Variants in KLHL29 observed in about 807,000 individuals in gnomAD.
The protein encoded by KLHL29 is kelch-like protein 29.
A neutral mutation model predicts 80.4 loss-of-function variants in KLHL29; 21 were observed. The ratio of observed to expected loss-of-function variants is 0.26; its 90% CI spans 0.19 to 0.38. The LOEUF (loss-of-function observed/expected upper bound fraction) is 0.38, where lower values mean the gene tolerates loss of function less well. Among genes scored for constraint, KLHL29 ranks in the 10% least tolerant of loss-of-function variants. The pLI is 1.00. For missense variants in KLHL29, 867 were observed against 1,223.9 expected, an observed-to-expected ratio of 0.71 and a Z score of 4.35; for synonymous variants, 511 against 526.8, an observed-to-expected ratio of 0.97 and a Z score of 0.41.
In KLHL29 at chr2:23,684,748, A is replaced by ACAGCTTTGCTGTCAC. The variant is rs199517066; in HGVS notation, c.1079+223_1079+237dup. Among the ~76,000 whole-genome samples, 4 of 151,636 alleles carry ACAGCTTTGCTGTCAC rather than the reference A, an allele frequency of 2.6e-5. No individual in the cohort carries two copies. Among genetic ancestry groups the ACAGCTTTGCTGTCAC allele is most frequent in the African/African-American group, 7.3e-5 (3 of 41,258 alleles). On this transcript the variant is annotated intron_variant, in intron 6 of 13. Transcript: ENST00000486442. This position sits in a 1 kb window ranked among gnomAD's most constrained non-coding sequence, Gnocchi z 4.4. ...CTGCGCCCAGCACCCGCCCCCACCC[A>ACAGCTTTGCTGTCAC]CAGCTTTGCTGTCACCAGCTTTGCT... is the stretch of plus-strand genomic sequence containing the variant.
intron 1 of KLHL29, among the ~76,000 whole-genome samples, chr2:23,410,978 A>G (rs528837052): frequency 6.6e-6 from 1 of 152,044 alleles, no homozygotes; most frequent in African/African-American, 2.4e-5. Context: ...CCAGCCCCTC[A>G]TTTCTGAACA....
At chr2:23,625,295 C>T (rs1396421522) in intron 3 of KLHL29, among the ~76,000 whole-genome samples, 6 of 152,226 alleles carry the variant, frequency 3.9e-5, no homozygotes, top group East Asian at 3.8e-4. Context: ...GGAAACTTCT[C>T]GTGTCTGCAT....
intron 2 of KLHL29, among the ~76,000 whole-genome samples, chr2:23,510,024 G>A (rs74426073): frequency 0.038 from 5,748 of 152,028 alleles, 143 homozygotes; most frequent in Non-Finnish European, 0.062. Flanking sequence ...TTATGGTCCC[G>A]GCAGAGTTAA....
chr2:23,550,914 G>C (rs994748173), intron 2 of KLHL29, among the ~76,000 whole-genome samples: 2 of 152,236 alleles, frequency 1.3e-5, no homozygotes, highest in African/African-American at 4.8e-5. Flanking sequence ...GGCCCTGGGA[G>C]GGGGTAAGCC....
At chr2:23,484,827 C>T (rs555219818) in intron 2 of KLHL29, among the ~76,000 whole-genome samples, 2 of 152,196 alleles carry the variant, frequency 1.3e-5, no homozygotes, top group Non-Finnish European at 2.9e-5. Flanking sequence ...CTCTTGCTCC[C>T]ATCTCTGCAG....
At chr2:23,478,600 G>A (rs1457910905) in intron 2 of KLHL29, among the ~76,000 whole-genome samples, 1 of 152,130 alleles carries the variant, frequency 6.6e-6, no homozygotes, top group East Asian at 1.9e-4. Context: ...AGGGGTGGGG[G>A]GAGTTGAGCC....
At chr2:23,576,276 G>A (rs1282157057) in intron 3 of KLHL29, among the ~76,000 whole-genome samples, 1 of 144,382 alleles carries the variant, frequency 6.9e-6, no homozygotes, top group African/African-American at 2.6e-5. Context: ...TTGCACTCCA[G>A]CCTGGGCAAC....
intron 2 of KLHL29, among the ~76,000 whole-genome samples, chr2:23,546,383 A>C (rs998477232): frequency 1.3e-5 from 2 of 152,240 alleles, no homozygotes; most frequent in Non-Finnish European, 2.9e-5. Flanking sequence ...ATCATCAGGA[A>C]GACTTCATGG....
At chr2:23,568,324 A>G (rs1667639562) in intron 3 of KLHL29, among the ~76,000 whole-genome samples, 1 of 152,200 alleles carries the variant, frequency 6.6e-6, no homozygotes, top group Non-Finnish European at 1.5e-5. Flanking sequence ...TTTTAAAGCC[A>G]TAACGGTTCT....
At chr2:23,553,308 C>T (rs985252782) in intron 2 of KLHL29, among the ~76,000 whole-genome samples, 1 of 152,206 alleles carries the variant, frequency 6.6e-6, no homozygotes, top group African/African-American at 2.4e-5. Flanking sequence ...AATGTGGCAA[C>T]GAGAACCTTT....
chr2:23,496,839 G>A (rs919328743), intron 2 of KLHL29, among the ~76,000 whole-genome samples: 3 of 152,204 alleles, frequency 2.0e-5, no homozygotes, highest in African/African-American at 7.2e-5. Context: ...ATTTCTGTGA[G>A]AGTCTCTCAC....
intron 2 of KLHL29, among the ~76,000 whole-genome samples, chr2:23,528,825 C>T (rs896334312): frequency 5.9e-5 from 9 of 152,200 alleles, no homozygotes; most frequent in Non-Finnish European, 2.9e-5. Context: ...TTCCTGCCAG[C>T]GCAGCCTGAC....
At chr2:23,484,273 G>A (rs1664872743) in intron 2 of KLHL29, among the ~76,000 whole-genome samples, 2 of 152,176 alleles carry the variant, frequency 1.3e-5, no homozygotes, top group Non-Finnish European at 1.5e-5. Context: ...GAAGAGAATG[G>A]GGAGATTTCA....
At chr2:23,525,609 A>G (rs1386944245) in intron 2 of KLHL29, among the ~76,000 whole-genome samples, 2 of 151,628 alleles carry the variant, frequency 1.3e-5, no homozygotes. Flanking sequence ...CAAGGCCCAG[A>G]CCCCCGTCCT....
At chr2:23,497,150 G>C (rs753423383) in intron 2 of KLHL29, among the ~76,000 whole-genome samples, 19 of 152,156 alleles carry the variant, frequency 1.2e-4, no homozygotes, top group Non-Finnish European at 2.8e-4. Flanking sequence ...GTTGGCATGA[G>C]ATTTCTGACT....
chr2:23,646,777 G>A (rs535200), intron 5 of KLHL29, among the ~76,000 whole-genome samples: 17,303 of 152,198 alleles, frequency 0.11, 2,268 homozygotes, highest in African/African-American at 0.32. Flanking sequence ...ATGAGATCTT[G>A]TGAAAATACT....
intron 1 of KLHL29, among the ~76,000 whole-genome samples, chr2:23,468,609 G>T (rs972452439): frequency 6.6e-6 from 1 of 152,146 alleles, no homozygotes; most frequent in Middle Eastern, 3.2e-3. Context: ...CAGACCCTAG[G>T]AGTGAGCTAC....
At chr2:23,702,172 G>A (rs1672435611) in intron 11 of KLHL29, among the ~76,000 whole-genome samples, 1 of 151,916 alleles carries the variant, frequency 6.6e-6, no homozygotes, top group South Asian at 2.1e-4. Flanking sequence ...CCATACTATG[G>A]GAGCACCTTG....
intron 2 of KLHL29, among the ~76,000 whole-genome samples, chr2:23,491,775 C>T (rs758507676): frequency 7.9e-5 from 12 of 152,166 alleles, no homozygotes; most frequent in Non-Finnish European, 1.2e-4. Context: ...GCTCAGGTGC[C>T]GTGCGACCTC....
Sources: gnomAD v4.1 joint callset for allele counts (sites outside exome capture counted in the v4.1 genomes callset) on GRCh38, gnomAD v4.1.1 for gene constraint, Gnocchi (gnomAD v3.1) non-coding constraint, MANE v1.5 for transcripts, NCBI Gene and HGNC (gene_info 2026-07-23, HGNC 2026-07-21) for gene names.